Variants in MICAL3 observed in about 807,000 individuals in gnomAD.
MICAL3 encodes [F-actin]-monooxygenase MICAL3.
In MICAL3, 62 loss-of-function variants were observed where a neutral mutation model predicts 207.4. The ratio of observed to expected loss-of-function variants is 0.30; its 90% CI spans 0.24 to 0.37. The LOEUF is 0.37. Among genes scored for constraint, MICAL3 ranks in the 10% least tolerant of loss-of-function variants. MICAL3 has a pLI of 1.00. For missense variants in MICAL3, 2,368 were observed against 2,635.6 expected (o/e 0.90, Z 2.22); for synonymous variants, 1,077 against 1,069.3 (o/e 1.01, Z -0.14).
intron 1 of MICAL3, among the ~76,000 whole-genome samples, chr22:18,007,922 C>CAAA (rs60544257): frequency 0.027 from 1,005 of 37,674 alleles, 190 homozygotes; most frequent in African/African-American, 0.074. Context: ...GACTCCATCT[C>CAAA]AAAAAAAAAA....
chr22:17,805,935 G>A (rs1051461721), intron 29 of MICAL3, among the ~76,000 whole-genome samples: 9 of 152,208 alleles, frequency 5.9e-5, no homozygotes, highest in Admixed American at 1.3e-4. Flanking sequence ...TCTCCATGTT[G>A]GTCAGGCTGG....
chr22:17,913,297 G>A lies in MICAL3; in HGVS notation c.-74-6411C>T, dbSNP rs977787550. On this transcript the variant is annotated intron_variant, in intron 1 of 31. Transcript: ENST00000441493. The stretch of plus-strand genomic sequence containing the variant: ...GGACTGGGTCTCTGCGCTATAACCC[G>A]ACCTGGAGTAGAAATAAGTCGTGTT... Among the ~76,000 whole-genome samples the A allele has an allele frequency of 1.1e-4, 16 of 152,226 alleles. No individual in the cohort carries two copies. In the South Asian group the frequency reaches 1.9e-3, roughly 18 times the overall value.
In MICAL3 at chr22:17,990,252, T is replaced by TC. The variant is rs151035479; in HGVS notation, c.-75+34028dup. ...GGGGACCAGCAAGATAGGAAAGAAC[T>TC]CCCCCTTGGAGGGCACTGTTCATTC... On this transcript the variant is annotated intron_variant, in intron 1 of 31. Coordinates refer to ENST00000441493, the MANE Select transcript of MICAL3 (RefSeq NM_015241.3). Among the ~76,000 whole-genome samples the TC allele has an allele frequency of 2.5e-3, 387 of 152,092 alleles. 1 individual carries two copies. Among genetic ancestry groups the TC allele is most frequent in the African/African-American group, 8.8e-3 (366 of 41,472 alleles).
intron 3 of MICAL3, among the ~76,000 whole-genome samples, chr22:17,903,430 G>A (rs1417487297): frequency 3.9e-5 from 6 of 152,192 alleles, no homozygotes; most frequent in East Asian, 1.9e-4. Flanking sequence ...TCTAGGCCCT[G>A]GTAGAAGACC....
chr22:17,917,500 GAC>G (rs1349127176), intron 1 of MICAL3, among the ~76,000 whole-genome samples: 1 of 152,116 alleles, frequency 6.6e-6, no homozygotes, highest in East Asian at 1.9e-4. Context: ...TCCTCATTGA[GAC>G]ACCACCAGCT....
intron 23 of MICAL3, among the ~76,000 whole-genome samples, chr22:17,822,591 T>G (rs1459295937): frequency 6.6e-6 from 1 of 152,210 alleles, no homozygotes; most frequent in African/African-American, 2.4e-5. Flanking sequence ...GCTTGGGTTC[T>G]TCTCATTCTT....
intron 24 of MICAL3, 88 bp downstream of exon 24, chr22:17,821,942 G>T: frequency 1.3e-6 from 2 of 1,526,028 alleles, no homozygotes; most frequent in South Asian, 2.5e-5. Context: ...GCTCTGCTCT[G>T]AAGCGCCTGG....
intron 16 of MICAL3, chr22:17,872,977 C>T: frequency 1.5e-6 from 1 of 689,420 alleles, no homozygotes; most frequent in South Asian, 1.7e-5. Flanking sequence ...ATACAAGGTG[C>T]AGCAGCAAAC....
chr22:17,914,920 T>C (rs1164970714), intron 1 of MICAL3, among the ~76,000 whole-genome samples: 2 of 152,162 alleles, frequency 1.3e-5, no homozygotes, highest in East Asian at 1.9e-4. Context: ...ACTCCATCCA[T>C]TGTAGGAGCT....
At chr22:17,978,182 T>C (rs1935742600) in intron 1 of MICAL3, among the ~76,000 whole-genome samples, 1 of 152,194 alleles carries the variant, frequency 6.6e-6, no homozygotes, top group Non-Finnish European at 1.5e-5. Flanking sequence ...ATGTGGTGCA[T>C]ACATAAAATG....
intron 1 of MICAL3, among the ~76,000 whole-genome samples, chr22:17,968,459 G>A (rs961959965): frequency 2.6e-5 from 4 of 152,098 alleles, no homozygotes; most frequent in Non-Finnish European, 4.4e-5. Flanking sequence ...GACTCAAACC[G>A]GAGACCTCAC....
rs59740388 is a variant in MICAL3, at chr22:17,953,930, C to CAAAAAAAA, written c.-74-47052_-74-47045dup. On this transcript the variant is annotated intron_variant, in intron 1 of 31. Coordinates refer to ENST00000441493, the MANE Select transcript of MICAL3 (RefSeq NM_015241.3). The stretch of plus-strand genomic sequence containing the variant: ...CAGGTGACAGAGTAAGACTCCATCT[C>CAAAAAAAA]AAAAAAAAAAAAAAAAAAAAAAAAA... 2.0e-3 allele frequency among the ~76,000 whole-genome samples: 174 copies of CAAAAAAAA among 86,494 alleles called. 2 individuals carry two copies. The highest frequency in any genetic ancestry group is 2.5e-3 in the East Asian group (7 of 2,758). 56.7% of individuals were successfully genotyped at this position (86,494 alleles called of 152,430 possible). A position where few individuals can be genotyped will look rare whatever the true frequency, so the allele number is the denominator to read the frequency against.
rs9617644 is a variant in MICAL3, at chr22:17,943,226, G to A, written c.-74-36340C>T. Among the ~76,000 whole-genome samples, 853 of 152,192 alleles carry A rather than the reference G, an allele frequency of 5.6e-3. 7 individuals carry two copies. The highest frequency in any genetic ancestry group is 0.019 in the African/African-American group (794 of 41,508). On this transcript the variant is annotated intron_variant, in intron 1 of 31. Coordinates refer to ENST00000441493, the MANE Select transcript of MICAL3 (RefSeq NM_015241.3). ...CACCCGGGCTTGAGTGCAATGGCGC[G>A]ATTTCAGCTCACTGCAACCTCTGCC... is the stretch of plus-strand genomic sequence containing the variant.
At chr22:17,885,456 C>A (rs1386852670) in intron 16 of MICAL3, among the ~76,000 whole-genome samples, 1 of 152,040 alleles carries the variant, frequency 6.6e-6, no homozygotes. Context: ...AACAAGAATA[C>A]ACTGAAAAAA....
intron 16 of MICAL3, among the ~76,000 whole-genome samples, chr22:17,880,608 C>A (rs1445088596): frequency 6.6e-6 from 1 of 152,226 alleles, no homozygotes; most frequent in East Asian, 1.9e-4. Context: ...ACAATGCCAT[C>A]CTACAAACAT....
chr22:17,911,651 G>A (rs1267884384), intron 1 of MICAL3, among the ~76,000 whole-genome samples: 2 of 151,732 alleles, frequency 1.3e-5, no homozygotes, highest in African/African-American at 2.4e-5. Context: ...TGGGCAAGAC[G>A]GTGAGATCCT....
intron 19 of MICAL3, among the ~76,000 whole-genome samples, chr22:17,848,916 G>C (rs947365822): frequency 6.6e-6 from 1 of 152,220 alleles, no homozygotes; most frequent in Non-Finnish European, 1.5e-5. Flanking sequence ...TGACAGCTAT[G>C]TTCTCATTCC....
chr22:17,933,078 C>A (rs1933348511), intron 1 of MICAL3, among the ~76,000 whole-genome samples: 1 of 152,164 alleles, frequency 6.6e-6, no homozygotes, highest in Admixed American at 6.6e-5. Context: ...AGAAGGTTAA[C>A]CAGGATATCC....
chr22:18,005,628 T>C (rs767330853), intron 1 of MICAL3: 19 of 152,220 alleles, frequency 1.2e-4, no homozygotes, highest in Non-Finnish European at 2.2e-4. Context: ...TTCTTTATAC[T>C]GGTTTGTTGT....
Sources: gnomAD v4.1 joint callset for allele counts (sites outside exome capture counted in the v4.1 genomes callset) on GRCh38, gnomAD v4.1.1 for gene constraint, MANE v1.5 for transcripts, NCBI Gene and HGNC (gene_info 2026-07-23, HGNC 2026-07-21) for gene names.